CAMK1D: variants seen among roughly 807,000 people sequenced by gnomAD.
CAMK1D encodes calcium/calmodulin dependent protein kinase ID, also known as calcium/calmodulin-dependent protein kinase type 1D.
In CAMK1D, 9 loss-of-function variants were observed where a neutral mutation model predicts 47.7. The ratio of observed to expected loss-of-function variants is 0.19; its 90% CI spans 0.11 to 0.33. CAMK1D has a LOEUF of 0.33. Ranked by LOEUF, CAMK1D falls within the 10% of genes least tolerant of loss-of-function variation. The pLI is 1.00. For synonymous variants in CAMK1D, 184 were observed against 184.9 expected, an observed-to-expected ratio of 0.99 and a Z score of 0.04; for missense variants, 291 against 488.7, an observed-to-expected ratio of 0.60 and a Z score of 3.81.
intron 3 of CAMK1D, among the ~76,000 whole-genome samples, chr10:12,681,702 C>T (rs11257936): frequency 0.22 from 33,377 of 152,198 alleles, 4,572 homozygotes; most frequent in East Asian, 0.33. Context: ...TTTAGGCAGA[C>T]TAACATGGTA....
At chr10:12,406,722 C>CAAAAAAAA (rs3061400) in intron 1 of CAMK1D, among the ~76,000 whole-genome samples, 11 of 69,240 alleles carry the variant, frequency 1.6e-4, no homozygotes, top group East Asian at 9.7e-4. Context: ...GACCCTGTCT[C>CAAAAAAAA]AAAAAAAAAA....
intron 1 of CAMK1D, among the ~76,000 whole-genome samples, chr10:12,426,027 C>T (rs1453793907): frequency 6.6e-6 from 1 of 152,200 alleles, no homozygotes; most frequent in East Asian, 1.9e-4. Context: ...CATTAGCTAA[C>T]TTTAGCTGAT....
intron 2 of CAMK1D, among the ~76,000 whole-genome samples, chr10:12,566,403 A>C (rs1837126048): frequency 6.6e-6 from 1 of 151,994 alleles, no homozygotes; most frequent in South Asian, 2.1e-4. Flanking sequence ...TAGACCCAAC[A>C]CTGCTGCAGA....
chr10:12,442,136 A>G (rs1832800336), intron 1 of CAMK1D, among the ~76,000 whole-genome samples: 1 of 152,176 alleles, frequency 6.6e-6, no homozygotes, highest in African/African-American at 2.4e-5. Flanking sequence ...TAAAATGTTA[A>G]CTCTAGGCTC....
chr10:12,560,543 A>G (rs970046745), intron 2 of CAMK1D, among the ~76,000 whole-genome samples: 8 of 146,420 alleles, frequency 5.5e-5, no homozygotes, highest in African/African-American at 2.1e-4. Flanking sequence ...ACGAGAGGAA[A>G]ACTCTATCTC....
intron 2 of CAMK1D, among the ~76,000 whole-genome samples, chr10:12,665,844 C>T (rs1299019598): frequency 1.3e-5 from 2 of 152,236 alleles, no homozygotes; most frequent in East Asian, 1.9e-4. Flanking sequence ...ATGCAGCCTT[C>T]GAGGCCCCAA....
intron 3 of CAMK1D, among the ~76,000 whole-genome samples, chr10:12,674,599 C>CTTTTTTTTTTTTTTTTTTTTT (rs11391139): frequency 4.7e-5 from 3 of 63,472 alleles, no homozygotes; most frequent in Non-Finnish European, 8.4e-5. Flanking sequence ...TGGAAAAATG[C>CTTTTTTTTTTTTTTTTTTTTT]TTTTTTTTTT....
In CAMK1D at chr10:12,522,202, T is replaced by C. The variant is rs78967038; in HGVS notation, c.93-31023T>C. Among the ~76,000 whole-genome samples the C allele has an allele frequency of 1.4e-4, 20 of 141,844 alleles. No individual in the cohort carries two copies. The East Asian group carries it at 3.4e-3, about 24-fold the overall frequency. The allele number at this position is 141,844 out of a possible 152,430, so 93.1% of individuals were successfully genotyped here. On this transcript the variant is annotated intron_variant, in intron 1 of 10. Coordinates refer to ENST00000619168, the MANE Select transcript of CAMK1D (RefSeq NM_153498.4). ...ATATGATATATTTCCTTTTTTTTTC[T>C]TTTTTTTTTTTTTTATTGATCATTC...
chr10:12,403,232 G>T (rs1839292301), intron 1 of CAMK1D, among the ~76,000 whole-genome samples: 1 of 152,210 alleles, frequency 6.6e-6, no homozygotes, highest in African/African-American at 2.4e-5. Flanking sequence ...GTTTGAAAGT[G>T]ATTTACAACA....
chr10:12,567,180 G>A (rs1003182425), intron 2 of CAMK1D, among the ~76,000 whole-genome samples: 22 of 152,136 alleles, frequency 1.4e-4, no homozygotes, highest in African/African-American at 5.1e-4. Context: ...TAGAAAATAC[G>A]GCAAATGCTA....
intron 1 of CAMK1D, among the ~76,000 whole-genome samples, chr10:12,496,250 A>G (rs939590055): frequency 6.6e-6 from 1 of 152,198 alleles, no homozygotes; most frequent in Non-Finnish European, 1.5e-5. Flanking sequence ...AGACACTTAA[A>G]CTTTAATGAC....
intron 1 of CAMK1D, among the ~76,000 whole-genome samples, chr10:12,435,718 A>T (rs753912300): frequency 6.6e-6 from 1 of 152,056 alleles, no homozygotes; most frequent in Admixed American, 6.6e-5. Flanking sequence ...CAGATGAGGG[A>T]TGTAGGTCGC....
At chr10:12,772,473 C>A (rs897659174) in intron 5 of CAMK1D, among the ~76,000 whole-genome samples, 1 of 152,186 alleles carries the variant, frequency 6.6e-6, no homozygotes, top group African/African-American at 2.4e-5. Context: ...CCCCTAGCTA[C>A]GTACGCATCA....
At chr10:12,807,956 A>C (rs1838810495) in intron 6 of CAMK1D, among the ~76,000 whole-genome samples, 1 of 151,856 alleles carries the variant, frequency 6.6e-6, no homozygotes, top group Non-Finnish European at 1.5e-5. Context: ...TAGACCACCC[A>C]CCTTAGGGTG....
rs566265582 is a variant in CAMK1D, at chr10:12,619,549, A to G, written c.225-47187A>G. Among the ~76,000 whole-genome samples the G allele has an allele frequency of 2.0e-5, 3 of 152,154 alleles. No individual in the cohort carries two copies. In the South Asian group the frequency reaches 6.2e-4, roughly 32 times the overall value. ...GTGATCCTCCTGCTTCAGCCTCCCA[A>G]AGTGTTGGGATTATAGGTGTATGCT... On this transcript the variant is annotated intron_variant, in intron 2 of 10. Coordinates refer to ENST00000619168, the MANE Select transcript of CAMK1D (RefSeq NM_153498.4).
intron 5 of CAMK1D, among the ~76,000 whole-genome samples, chr10:12,773,935 G>T (rs535708921): frequency 1.3e-5 from 2 of 152,064 alleles, no homozygotes; most frequent in South Asian, 4.2e-4. Flanking sequence ...TGTGAATAAG[G>T]TACAAATTCT....
intron 1 of CAMK1D, among the ~76,000 whole-genome samples, chr10:12,361,571 A>ATTTTTTT (rs1837665470): frequency 3.0e-5 from 1 of 33,424 alleles, no homozygotes. Flanking sequence ...TTTTTTTTTA[A>ATTTTTTT]TTGAGATGGA....
intron 2 of CAMK1D, among the ~76,000 whole-genome samples, chr10:12,635,605 G>C (rs1839493614): frequency 6.6e-6 from 1 of 152,134 alleles, no homozygotes; most frequent in Non-Finnish European, 1.5e-5. Flanking sequence ...CTGCCTTTCA[G>C]ATCTATCGGT....
At chr10:12,694,562 T>G (rs1283831451) in intron 3 of CAMK1D, among the ~76,000 whole-genome samples, 1 of 88,330 alleles carries the variant, frequency 1.1e-5, no homozygotes, top group African/African-American at 4.4e-5. Context: ...ATATATAAAA[T>G]ATATAATATA....
Sources: allele counts gnomAD v4.1 joint callset (sites outside exome capture counted in the v4.1 genomes callset), GRCh38; gene constraint gnomAD v4.1.1; transcripts MANE v1.5; gene names NCBI Gene and HGNC (gene_info 2026-07-23, HGNC 2026-07-21).